Variants in ARHGAP23 observed in about 807,000 individuals in gnomAD.
ARHGAP23 encodes Rho GTPase activating protein 23, also known as rho GTPase-activating protein 23.
In ARHGAP23, 34 loss-of-function variants were observed where a neutral mutation model predicts 136.3. The ratio of observed to expected loss-of-function variants is 0.25; its 90% confidence interval spans 0.19 to 0.33. The LOEUF (loss-of-function observed/expected upper bound fraction) is 0.33, where lower values mean the gene tolerates loss of function less well. Ranked by LOEUF, ARHGAP23 falls within the 10% of genes least tolerant of loss-of-function variation. The pLI is 1.00. For synonymous variants in ARHGAP23, 832 were observed against 920.5 expected (o/e 0.90, Z 1.74); for missense variants, 1,808 against 2,139.0 (o/e 0.85, Z 3.05).
In ARHGAP23 at chr17:38,469,896, A is replaced by G. The variant is rs1290524118; in HGVS notation, c.1966A>G (p.Thr656Ala). ...PSLRMLRSFF[T>A]DGSLDSWGTS... Reference sequence around the variant, plus strand: ...CCTGCGGATGCTCCGGAGCTTCTTCACCGACGGGGTGAGAGCTGCAAGTGT... The same window carrying G: ...CCTGCGGATGCTCCGGAGCTTCTTCGCCGACGGGGTGAGAGCTGCAAGTGT... Residue 656 changes from threonine to alanine, a missense_variant, in exon 10 of 24, where the codon ACC becomes GCC. By Grantham distance (58) the Thr-to-Ala change is moderately conservative. Around this residue, in one of 7 missense-constraint regions of ARHGAP23, gnomAD observed 859 missense variants for 936.4 expected, o/e 0.92. Transcript: ENST00000622683. 4 of 1,551,604 alleles carry G rather than the reference A, an allele frequency of 2.6e-6. No individual in the cohort carries two copies. The highest frequency in any genetic ancestry group is 3.5e-6 in the Non-Finnish European group (4 of 1,146,972).
intron 23 of ARHGAP23, among the ~76,000 whole-genome samples, chr17:38,504,941 G>A (rs1233891624): frequency 6.9e-6 from 1 of 144,588 alleles, no homozygotes; most frequent in African/African-American, 2.5e-5. Context: ...GGTGGGTGGA[G>A]TGGAGCTGTT....
intron 1 of ARHGAP23, among the ~76,000 whole-genome samples, chr17:38,437,632 A>G (rs993209781): frequency 6.8e-6 from 1 of 148,070 alleles, no homozygotes; most frequent in Non-Finnish European, 1.5e-5. Context: ...ACCCCCCCCA[A>G]AAAATATTAA....
chr17:38,448,007 C>T (rs180865223), intron 1 of ARHGAP23, among the ~76,000 whole-genome samples: 1 of 152,322 alleles, frequency 6.6e-6, no homozygotes, highest in East Asian at 1.9e-4. Flanking sequence ...GGAGACCCTG[C>T]CAGCCTGGCA....
intron 14 of ARHGAP23, among the ~76,000 whole-genome samples, chr17:38,481,303 C>T (rs1398940463): frequency 2.0e-5 from 3 of 152,248 alleles, no homozygotes; most frequent in South Asian, 2.1e-4. Context: ...CCCACCACCA[C>T]GCCTGGCTAA....
chr17:38,457,431 T>C (rs186278127), intron 1 of ARHGAP23: 5 of 153,864 alleles, frequency 3.2e-5, no homozygotes, highest in Non-Finnish European at 7.3e-5. Flanking sequence ...CTGCTGTGCA[T>C]GTGTGTATCT....
chr17:38,498,350 C>G, intron 21 of ARHGAP23, 64 bp from the exon 22 acceptor site: 1 of 1,360,858 alleles, frequency 7.3e-7, no homozygotes, highest in Middle Eastern at 2.6e-4. Context: ...AGGGCACCCC[C>G]CTCTGGGGGG....
intron 9 of ARHGAP23, 43 bp downstream of exon 9, chr17:38,469,678 C>G: frequency 6.5e-7 from 1 of 1,534,602 alleles, no homozygotes; most frequent in Non-Finnish European, 8.8e-7. Flanking sequence ...CCACAGCCAC[C>G]GTGGCCAGCT....
At chr17:38,419,625 T>C (rs1238018893) in intron 1 of ARHGAP23, among the ~76,000 whole-genome samples, 4 of 151,532 alleles carry the variant, frequency 2.6e-5, no homozygotes, top group African/African-American at 9.7e-5. Context: ...AGTACTCCCT[T>C]ATCACTGACA....
At chr17:38,458,057 T>A (rs1188772830) in intron 1 of ARHGAP23, 45 bp from the exon 2 acceptor site, 1 of 1,532,964 alleles carries the variant, frequency 6.5e-7, no homozygotes, top group Non-Finnish European at 8.7e-7. Context: ...CAGCCAGAAG[T>A]GTCAGCCACA....
intron 17 of ARHGAP23, among the ~76,000 whole-genome samples, chr17:38,489,324 C>T (rs1042503605): frequency 4.6e-5 from 7 of 152,252 alleles, no homozygotes; most frequent in Admixed American, 6.5e-5. Context: ...TTGGCTCTGC[C>T]GTGTGATTGC....
intron 1 of ARHGAP23, among the ~76,000 whole-genome samples, chr17:38,432,841 CA>C (rs1314278727): frequency 5.3e-5 from 8 of 152,158 alleles, no homozygotes; most frequent in African/African-American, 1.9e-4. Flanking sequence ...AAAACCAAAC[CA>C]AACGAAACAA....
At chr17:38,485,986 C>T (rs1306520704) in intron 16 of ARHGAP23, 76 bp from the exon 17 acceptor site, 2 of 1,399,406 alleles carry the variant, frequency 1.4e-6, no homozygotes, top group Non-Finnish European at 2.0e-6. Flanking sequence ...CTTGATTGGG[C>T]TCTGGGGTGA....
intron 22 of ARHGAP23, chr17:38,500,270 C>T (rs538278955): frequency 2.5e-6 from 1 of 393,876 alleles, no homozygotes; most frequent in South Asian, 3.4e-5. Context: ...TTCAGAGTAA[C>T]AGGGACGGGC....
intron 10 of ARHGAP23, among the ~76,000 whole-genome samples, chr17:38,471,201 T>G (rs1393201906): frequency 6.6e-6 from 1 of 151,846 alleles, no homozygotes; most frequent in Non-Finnish European, 1.5e-5. Context: ...GATCCACCTG[T>G]CTCAGCTTCC....
intron 23 of ARHGAP23, among the ~76,000 whole-genome samples, chr17:38,501,535 G>A (rs1016398248): frequency 5.5e-5 from 8 of 146,106 alleles, no homozygotes; most frequent in African/African-American, 9.8e-5. Flanking sequence ...TCTCCTGACC[G>A]CGTGATCCGT....
chr17:38,476,282 C>T (rs35838328), intron 11 of ARHGAP23, among the ~76,000 whole-genome samples: 9,961 of 152,080 alleles, frequency 0.065, 380 homozygotes, highest in South Asian at 0.18. Context: ...GCGTTGATGG[C>T]GTGGACCGGG....
intron 1 of ARHGAP23, among the ~76,000 whole-genome samples, chr17:38,434,646 G>A (rs1225420154): frequency 6.6e-6 from 1 of 152,230 alleles, no homozygotes; most frequent in African/African-American, 2.4e-5. Flanking sequence ...GGACAACCAC[G>A]CAAGGGGCCT....
At chr17:38,506,835 CTGA>C (rs1441603158) in intron 23 of ARHGAP23, among the ~76,000 whole-genome samples, 3 of 152,174 alleles carry the variant, frequency 2.0e-5, no homozygotes, top group Admixed American at 6.5e-5. Context: ...GTGAAACCAG[CTGA>C]TGACTGGCTG....
chr17:38,511,374 T>G lies in ARHGAP23; in HGVS notation c.*402T>G. ...CTGGGTGATGCTGGCTTTTTGCTTC[T>G]TTCTTCTGCCCTCCCACCTCAGCTT... On this transcript the variant is annotated 3_prime_UTR_variant, in exon 24 of 24. Coordinates refer to ENST00000622683, the MANE Select transcript of ARHGAP23 (RefSeq NM_001199417.2). 5.3e-6 allele frequency: 1 copy of G among 189,260 alleles called. No individual in the cohort carries two copies. 11.7% of individuals were successfully genotyped at this position (189,260 alleles called of 1,614,324 possible).
Sources: gnomAD v4.1 joint callset for allele counts (sites outside exome capture counted in the v4.1 genomes callset) on GRCh38, gnomAD v4.1.1 for gene constraint, gnomAD v4.1.1 regional missense constraint, MANE v1.5 for transcripts, NCBI Gene and HGNC (gene_info 2026-07-23, HGNC 2026-07-21) for gene names.